Variants in SGCZ observed in about 807,000 individuals in gnomAD.
The protein encoded by SGCZ is zeta-sarcoglycan.
SGCZ carries 40 observed loss-of-function variants against 41.3 expected under a neutral mutation model. The observed-to-expected ratio is 0.97, with a 90% CI of 0.75 to 1.26. SGCZ has a LOEUF of 1.26. Ranked by LOEUF, SGCZ falls within the 50% of genes most tolerant of loss-of-function variation. The probability of loss-of-function intolerance (pLI) is 0.00; values close to 1 mark genes in which losing one functional copy is unlikely to be tolerated. For synonymous variants in SGCZ, 206 were observed against 137.5 expected (o/e 1.50, Z -3.49); for missense variants, 552 against 369.8 (o/e 1.49, Z -4.04).
chr8:14,821,286 G>GAGGA (rs1802073141), intron 1 of SGCZ, among the ~76,000 whole-genome samples: 1 of 151,776 alleles, frequency 6.6e-6, no homozygotes, highest in Admixed American at 6.6e-5. Flanking sequence ...TAGAAAAACT[G>GAGGA]AACAGAACAA....
At chr8:14,427,732 AC>A (rs944319871) in intron 2 of SGCZ, among the ~76,000 whole-genome samples, 13 of 152,288 alleles carry the variant, frequency 8.5e-5, no homozygotes, top group African/African-American at 2.9e-4. Context: ...CAAGGACCAA[AC>A]AAAAAGGCAA....
chr8:14,331,566 G>T (rs1301832859), intron 2 of SGCZ, among the ~76,000 whole-genome samples: 5 of 151,998 alleles, frequency 3.3e-5, no homozygotes, highest in Non-Finnish European at 5.9e-5. Context: ...CTCTATAGTG[G>T]TAACAATTGA....
intron 2 of SGCZ, among the ~76,000 whole-genome samples, chr8:14,474,262 A>G (rs536707559): frequency 1.3e-5 from 2 of 152,348 alleles, no homozygotes; most frequent in African/African-American, 4.8e-5. Flanking sequence ...GATTTGCATT[A>G]TCATACCAAA....
At chr8:15,179,022 A>C (rs1800081716) in intron 1 of SGCZ, among the ~76,000 whole-genome samples, 1 of 152,218 alleles carries the variant, frequency 6.6e-6, no homozygotes, top group African/African-American at 2.4e-5. Flanking sequence ...TGTTACTCTC[A>C]TGTAGTAGAC....
intron 4 of SGCZ, among the ~76,000 whole-genome samples, chr8:14,181,424 G>A (rs1443088698): frequency 6.6e-6 from 1 of 152,134 alleles, no homozygotes; most frequent in African/African-American, 2.4e-5. Flanking sequence ...AGACTCACTG[G>A]GGATTGCATC....
chr8:14,442,643 T>C (rs1800305576), intron 2 of SGCZ, among the ~76,000 whole-genome samples: 1 of 152,174 alleles, frequency 6.6e-6, no homozygotes, highest in African/African-American at 2.4e-5. Context: ...AGTTGATACT[T>C]TCTGCTTTAA....
intron 1 of SGCZ, among the ~76,000 whole-genome samples, chr8:14,795,417 C>T (rs1268907043): frequency 7.3e-6 from 1 of 136,118 alleles, no homozygotes; most frequent in Non-Finnish European, 1.7e-5. Context: ...TAAATATATT[C>T]ATACTTTGGG....
intron 1 of SGCZ, among the ~76,000 whole-genome samples, chr8:14,743,811 A>G (rs1239702036): frequency 6.6e-6 from 1 of 152,162 alleles, no homozygotes; most frequent in African/African-American, 2.4e-5. Flanking sequence ...ATTCAAAATT[A>G]TCATGCTCAT....
chr8:14,476,933 C>T (rs1411259884), intron 2 of SGCZ, among the ~76,000 whole-genome samples: 2 of 152,184 alleles, frequency 1.3e-5, no homozygotes, highest in Non-Finnish European at 1.5e-5. Context: ...CCTCGTTGTG[C>T]TTTCCAAAAG....
chr8:14,949,253 A>T (rs972717808), intron 1 of SGCZ, among the ~76,000 whole-genome samples: 3 of 152,268 alleles, frequency 2.0e-5, no homozygotes, highest in South Asian at 4.1e-4. Context: ...GCTATAAAAT[A>T]TTTTCGCCTT....
intron 1 of SGCZ, among the ~76,000 whole-genome samples, chr8:15,094,774 T>A (rs1027325669): frequency 6.6e-6 from 1 of 152,188 alleles, no homozygotes; most frequent in Non-Finnish European, 1.5e-5. Context: ...TAGTGAGTTG[T>A]CTCAAGTTCT....
intron 2 of SGCZ, among the ~76,000 whole-genome samples, chr8:14,416,257 A>G (rs1359192873): frequency 6.6e-6 from 1 of 151,976 alleles, no homozygotes; most frequent in African/African-American, 2.4e-5. Flanking sequence ...AAGAAGTAAC[A>G]TATCTAGAAA....
chr8:15,013,546 T>C (rs1802913786), intron 1 of SGCZ, among the ~76,000 whole-genome samples: 1 of 152,164 alleles, frequency 6.6e-6, no homozygotes, highest in South Asian at 2.1e-4. Flanking sequence ...ATTCCTTCAG[T>C]GATTCCTCCT....
chr8:14,403,827 G>C (rs572865508), intron 2 of SGCZ, among the ~76,000 whole-genome samples: 1 of 152,122 alleles, frequency 6.6e-6, no homozygotes, highest in African/African-American at 2.4e-5. Context: ...GGTAACTGGA[G>C]ATAAAACTCT....
chr8:14,736,139 C>A (rs1473686033), intron 1 of SGCZ, among the ~76,000 whole-genome samples: 2 of 152,004 alleles, frequency 1.3e-5, no homozygotes, highest in Admixed American at 6.6e-5. Context: ...AAATCATGCT[C>A]CCTGCTTGAA....
At chr8:14,908,946 A>T (rs371576864) in intron 1 of SGCZ, among the ~76,000 whole-genome samples, 1 of 152,300 alleles carries the variant, frequency 6.6e-6, no homozygotes, top group East Asian at 1.9e-4. Context: ...GATTAAACTT[A>T]TCTCTATAAT....
intron 1 of SGCZ, among the ~76,000 whole-genome samples, chr8:15,093,268 A>G (rs4831678): frequency 0.9 from 137,606 of 152,236 alleles, 62,201 homozygotes; most frequent in Middle Eastern, 0.94. Context: ...CACACTTGTA[A>G]GCATTAGCCA....
intron 1 of SGCZ, among the ~76,000 whole-genome samples, chr8:15,040,160 T>C (rs1804036912): frequency 6.6e-6 from 1 of 152,224 alleles, no homozygotes. Flanking sequence ...GATCTAATAG[T>C]ACTCAACAAA....
intron 4 of SGCZ, among the ~76,000 whole-genome samples, chr8:14,167,485 A>C (rs979248924): frequency 6.6e-6 from 1 of 152,180 alleles, no homozygotes; most frequent in African/African-American, 2.4e-5. Context: ...CTTGCTAACT[A>C]AAGTACCAAG....
Sources: gnomAD v4.1 joint callset for allele counts (sites outside exome capture counted in the v4.1 genomes callset) on GRCh38, gnomAD v4.1.1 for gene constraint, MANE v1.5 for transcripts, NCBI Gene and HGNC (gene_info 2026-07-23, HGNC 2026-07-21) for gene names.